The following ATP2A3 variants were observed in gnomAD, a reference collection of about 807,000 sequenced individuals.
The protein encoded by ATP2A3 is ATPase sarcoplasmic/endoplasmic reticulum Ca2+ transporting 3.
ATP2A3 carries 61 observed loss-of-function variants against 106.8 expected under a neutral mutation model. The observed-to-expected ratio is 0.57, with a 90% CI of 0.46 to 0.71. The LOEUF (loss-of-function observed/expected upper bound fraction) is 0.71. Among genes scored for constraint, ATP2A3 ranks in the 30% least tolerant of loss-of-function variants. The probability of loss-of-function intolerance (pLI) is 0.00; values close to 1 mark genes in which losing one functional copy is unlikely to be tolerated. For missense variants in ATP2A3, 1,201 were observed against 1,423.5 expected (o/e 0.84, Z 2.52); for synonymous variants, 611 against 609.3 (o/e 1.00, Z -0.04).
At chr17:3,931,601 A>C (rs1408915194) in intron 17 of ATP2A3, among the ~76,000 whole-genome samples, 4 of 150,488 alleles carry the variant, frequency 2.7e-5, no homozygotes, top group Non-Finnish European at 5.9e-5. Context: ...GGCTCACTGC[A>C]AGCTCCGCCT....
At chr17:3,941,895 G>T (rs2053804160) in intron 12 of ATP2A3, among the ~76,000 whole-genome samples, 1 of 152,198 alleles carries the variant, frequency 6.6e-6, no homozygotes, top group African/African-American at 2.4e-5. Flanking sequence ...CACCAACCTA[G>T]CGATGCCCTT....
intron 5 of ATP2A3, 151 bp downstream of exon 5, chr17:3,951,100 A>C: frequency 1.3e-6 from 1 of 787,246 alleles, no homozygotes; most frequent in Non-Finnish European, 1.8e-6. Context: ...TGAACCCGGG[A>C]GGCAGGAGGT....
Position 3,928,866 on chromosome 17 carries a change from C to T in ATP2A3, c.2863-86G>A, listed in dbSNP as rs2052872228. On this transcript the variant is annotated intron_variant, in intron 19 of 20. Coordinates refer to ENST00000397041, the MANE Select transcript of ATP2A3 (RefSeq NM_005173.4). The surrounding 1 kb of genome is among the most constrained non-coding windows in gnomAD (Gnocchi z 6.1). ...CATCTGCTGGCCTTATCCACCTGGG[C>T]TCTGATGGACTCTTCATGAGCGCTC... 3 of 1,023,798 alleles carry T rather than the reference C, an allele frequency of 2.9e-6. No homozygotes were observed. The highest frequency in any genetic ancestry group is 3.2e-5 in the African/African-American group (2 of 62,950). 63.4% of individuals were successfully genotyped at this position (1,023,798 alleles called of 1,614,324 possible). A position where few individuals can be genotyped will look rare whatever the true frequency, so the allele number is the denominator to read the frequency against.
chr17:3,927,955 G>A (rs369681128), intron 20 of ATP2A3: 228 of 1,613,052 alleles, frequency 1.4e-4, no homozygotes, highest in Non-Finnish European at 1.6e-4. Flanking sequence ...CCGCCTCTGC[G>A]CAAATTCCCA....
intron 12 of ATP2A3, 56 bp from the exon 13 acceptor site, chr17:3,941,710 C>A: frequency 5.1e-6 from 8 of 1,564,140 alleles, no homozygotes; most frequent in Non-Finnish European, 6.9e-6. Context: ...CCCTCCTCTC[C>A]TTCCTGCCCA....
intron 8 of ATP2A3, among the ~76,000 whole-genome samples, chr17:3,946,242 CAAAA>C (rs35377738): frequency 3.1e-4 from 34 of 109,288 alleles, no homozygotes; most frequent in Admixed American, 4.6e-4. Flanking sequence ...GACTCCATCT[CAAAA>C]AAAAAAAAAA....
intron 16 of ATP2A3, 78 bp from the exon 17 acceptor site, chr17:3,935,355 C>A: frequency 7.2e-7 from 1 of 1,389,974 alleles, no homozygotes; most frequent in South Asian, 1.2e-5. Flanking sequence ...TAATAATTCC[C>A]TGAATTCCCT....
At position 3,927,413 on chromosome 17, in the gene ATP2A3, T is replaced by A. The variant is rs979855009; in HGVS notation, c.2980+1250A>T. ...AAGACAAGCCACCTGAGCTGTCATG[T>A]CCCCAGAGGCCTGGCTCTGCAGGTG... On this transcript the variant is annotated intron_variant, in intron 20 of 20. Coordinates refer to ENST00000397041, the MANE Select transcript of ATP2A3 (RefSeq NM_005173.4). 14 of 985,248 alleles carry A rather than the reference T, an allele frequency of 1.4e-5. 1 individual carries two copies. The highest frequency in any genetic ancestry group is 1.3e-5 in the Non-Finnish European group (11 of 829,866). The allele number at this position is 985,248 out of a possible 1,614,324, so 61.0% of individuals were successfully genotyped here.
chr17:3,932,150 G>A (rs1220630945), intron 17 of ATP2A3, among the ~76,000 whole-genome samples: 2 of 150,174 alleles, frequency 1.3e-5, no homozygotes, highest in Admixed American at 1.3e-4. Flanking sequence ...GTTTTGTTTT[G>A]TTTTTGTTTT....
rs2052614724 is a variant in ATP2A3, at chr17:3,924,765, T to C, written c.*657A>G. 1 of 456,610 alleles carries C rather than the reference T, an allele frequency of 2.2e-6. No homozygotes were observed. The highest frequency in any genetic ancestry group is 1.5e-5 in the South Asian group (1 of 64,566). 28.3% of individuals were successfully genotyped at this position (456,610 alleles called of 1,614,324 possible). A position where few individuals can be genotyped will look rare whatever the true frequency, so the allele number is the denominator to read the frequency against. On this transcript the variant is annotated 3_prime_UTR_variant, in exon 21 of 21. Coordinates refer to ENST00000397041, the MANE Select transcript of ATP2A3 (RefSeq NM_005173.4). This position sits in a 1 kb window ranked among gnomAD's most constrained non-coding sequence, Gnocchi z 6.4. ...CTCGCTCCGCCCTCCTGCCGGCTCC[T>C]TGTGTCCGTCTCTCTGACCCTTCAC...
intron 7 of ATP2A3, among the ~76,000 whole-genome samples, chr17:3,948,710 T>C (rs1033236951): frequency 6.6e-6 from 1 of 152,170 alleles, no homozygotes. Flanking sequence ...TGAGCTACCA[T>C]GCCCGGCCCC....
intron 5 of ATP2A3, 23 bp downstream of exon 5, chr17:3,951,228 A>T: frequency 7.1e-7 from 1 of 1,407,800 alleles, no homozygotes; most frequent in South Asian, 1.9e-5. Context: ...AAAATAAAAT[A>T]AAAGGAGGAG....
Position 3,953,257 on chromosome 17 carries a change from C to T in ATP2A3, c.219+90G>A, listed in dbSNP as rs1438116046. 1 of 1,435,554 alleles carries T rather than the reference C, an allele frequency of 7.0e-7. No homozygotes were observed. The allele number at this position is 1,435,554 out of a possible 1,614,324, so 88.9% of individuals were successfully genotyped here. A position where few individuals can be genotyped will look rare whatever the true frequency, so the allele number is the denominator to read the frequency against. On this transcript the variant is annotated intron_variant, in intron 3 of 20. Coordinates refer to ENST00000397041, the MANE Select transcript of ATP2A3 (RefSeq NM_005173.4). This position sits in a 1 kb window ranked among gnomAD's most constrained non-coding sequence, Gnocchi z 5.1. ...CAGGCCCAGGGTGTGGAGGACAGGC[C>T]CAGGCTCCAGGACCTCGGAGCACTG...
At chr17:3,945,407 G>A (rs1316966065) in intron 8 of ATP2A3, 4 of 385,700 alleles carry the variant, frequency 1.0e-5, no homozygotes, top group Non-Finnish European at 1.9e-5. Flanking sequence ...ATTCTTCAGT[G>A]CTCTGGGGGC....
In ATP2A3 at chr17:3,925,094, GC is replaced by G; in HGVS notation, c.*327del. ...GCACTCGTGATTTGGGGGTGGGGGGGCCCCGGATCTCTGGGTATGCTGCCAG... is the reference window on the plus strand; with the variant it reads ...GCACTCGTGATTTGGGGGTGGGGGGGCCCGGATCTCTGGGTATGCTGCCAG... On this transcript the variant is annotated 3_prime_UTR_variant, in exon 21 of 21. Transcript: ENST00000397041. This position sits in a 1 kb window ranked among gnomAD's most constrained non-coding sequence, Gnocchi z 4.2. 3.8e-6 allele frequency: 2 copies of G among 530,730 alleles called. No homozygotes were observed. The highest frequency in any genetic ancestry group is 3.4e-6 in the Non-Finnish European group (1 of 293,202). The allele number at this position is 530,730 out of a possible 1,614,324, so 32.9% of individuals were successfully genotyped here.
At chr17:3,942,369 A>G (rs914002926) in intron 12 of ATP2A3, among the ~76,000 whole-genome samples, 3 of 152,216 alleles carry the variant, frequency 2.0e-5, no homozygotes, top group African/African-American at 7.2e-5. Context: ...GACGCTGTAG[A>G]CAGTGGTCTG....
intron 8 of ATP2A3, among the ~76,000 whole-genome samples, chr17:3,946,314 G>A (rs1396270217): frequency 6.6e-6 from 1 of 151,864 alleles, no homozygotes; most frequent in East Asian, 1.9e-4. Context: ...CACTTTGGGA[G>A]GCCAAGGCGG....
intron 3 of ATP2A3, among the ~76,000 whole-genome samples, chr17:3,951,989 C>T (rs1432415300): frequency 6.6e-6 from 1 of 152,206 alleles, no homozygotes; most frequent in Non-Finnish European, 1.5e-5. Flanking sequence ...GCAGCAGCAG[C>T]AGCTGGGAAC....
intron 1 of ATP2A3, among the ~76,000 whole-genome samples, chr17:3,958,775 C>T (rs1449522759): frequency 8.3e-5 from 11 of 132,332 alleles, no homozygotes; most frequent in Admixed American, 2.3e-4. Context: ...CATATATATA[C>T]ACACACATAT....
Sources: gnomAD v4.1 joint callset for allele counts (sites outside exome capture counted in the v4.1 genomes callset) on GRCh38, gnomAD v4.1.1 for gene constraint, Gnocchi (gnomAD v3.1) non-coding constraint, MANE v1.5 for transcripts, NCBI Gene and HGNC (gene_info 2026-07-23, HGNC 2026-07-21) for gene names.